Variants in UBAP1 observed in about 807,000 individuals in gnomAD.
UBAP1 encodes ubiquitin-associated protein 1.
Under a neutral mutation model 39.0 loss-of-function variants are expected in UBAP1, and 5 were observed. The observed-to-expected ratio is 0.13, with a 90% CI of 0.07 to 0.27. UBAP1 has a LOEUF of 0.27. Ranked by LOEUF, UBAP1 falls within the 10% of genes least tolerant of loss-of-function variation. The probability of loss-of-function intolerance (pLI) is 1.00; values close to 1 mark genes in which losing one functional copy is unlikely to be tolerated. For synonymous variants in UBAP1, 211 were observed against 225.1 expected, an observed-to-expected ratio of 0.94 and a Z score of 0.56; for missense variants, 490 against 608.1, an observed-to-expected ratio of 0.81 and a Z score of 2.04.
At chr9:34,197,256 C>A (rs1831122144) in intron 1 of UBAP1, among the ~76,000 whole-genome samples, 1 of 150,676 alleles carries the variant, frequency 6.6e-6, no homozygotes, top group South Asian at 2.1e-4. Context: ...AGTTCACGGA[C>A]CTTCTTTAAT....
chr9:34,212,637 C>A (rs1465799077), intron 1 of UBAP1, among the ~76,000 whole-genome samples: 2 of 151,910 alleles, frequency 1.3e-5, no homozygotes, highest in Non-Finnish European at 2.9e-5. Context: ...AGGGAAAATA[C>A]AACCCTCCTA....
chr9:34,241,069 A>T (rs1427658929), intron 3 of UBAP1, 116 bp from the exon 4 acceptor site: 18 of 707,006 alleles, frequency 2.5e-5, no homozygotes, highest in Non-Finnish European at 3.5e-5. Flanking sequence ...ACACGCCTTA[A>T]ATGCTGCCTT....
intron 5 of UBAP1, 94 bp from the exon 6 acceptor site, chr9:34,250,564 G>A (rs1473662311): frequency 2.0e-5 from 19 of 949,836 alleles, no homozygotes; most frequent in Non-Finnish European, 2.7e-5. Context: ...TGGGTGGGGC[G>A]GAGAACGGAC....
intron 1 of UBAP1, among the ~76,000 whole-genome samples, chr9:34,198,430 T>C (rs1831183130): frequency 6.6e-6 from 1 of 152,158 alleles, no homozygotes; most frequent in African/African-American, 2.4e-5. Context: ...TGGTTGGTCC[T>C]GTGGAGTTGG....
intron 1 of UBAP1, among the ~76,000 whole-genome samples, chr9:34,210,608 A>T (rs1831962660): frequency 1.3e-5 from 2 of 151,848 alleles, no homozygotes; most frequent in Admixed American, 1.3e-4. Context: ...AGTACCAGCT[A>T]CCTGGGAGGC....
At chr9:34,243,489 CTTTT>C (rs971182110) in intron 4 of UBAP1, among the ~76,000 whole-genome samples, 5 of 141,116 alleles carry the variant, frequency 3.5e-5, no homozygotes, top group Admixed American at 1.4e-4. Flanking sequence ...TTTCTTTTTT[CTTTT>C]TTTTTTTTTT....
At chr9:34,195,101 A>G (rs1830948473) in intron 1 of UBAP1, among the ~76,000 whole-genome samples, 1 of 150,270 alleles carries the variant, frequency 6.7e-6, no homozygotes, top group South Asian at 2.1e-4. Flanking sequence ...TCATTTGAGA[A>G]CAGAGATTTT....
chr9:34,228,458 G>A (rs1044976322), intron 2 of UBAP1, among the ~76,000 whole-genome samples: 1 of 151,360 alleles, frequency 6.6e-6, no homozygotes, highest in African/African-American at 2.4e-5. Flanking sequence ...TAATTCCTGA[G>A]GCATAATTGG....
intron 1 of UBAP1, among the ~76,000 whole-genome samples, chr9:34,186,435 A>G (rs994263694): frequency 6.6e-6 from 1 of 152,162 alleles, no homozygotes; most frequent in East Asian, 1.9e-4. Context: ...GTTTTGAGTC[A>G]CTGAATTGGC....
chr9:34,193,058 A>G (rs1830821490), intron 1 of UBAP1, among the ~76,000 whole-genome samples: 1 of 152,174 alleles, frequency 6.6e-6, no homozygotes, highest in Non-Finnish European at 1.5e-5. Flanking sequence ...TGTAATTCCC[A>G]GAACTTTGGG....
chr9:34,187,457 C>G (rs2131499586), intron 1 of UBAP1, among the ~76,000 whole-genome samples: 1 of 152,302 alleles, frequency 6.6e-6, no homozygotes, highest in East Asian at 1.9e-4. Context: ...ATTGTCCAAA[C>G]TGAGACACCA....
rs1834604423 is a variant in UBAP1, at chr9:34,252,333, G to A, written c.*801G>A. 1 of 152,584 alleles carries A rather than the reference G, an allele frequency of 6.6e-6. No individual in the cohort carries two copies. Among genetic ancestry groups the A allele is most frequent in the African/African-American group, 2.4e-5 (1 of 41,428 alleles). 9.5% of individuals were successfully genotyped at this position (152,584 alleles called of 1,614,324 possible). ...TTCTCCTTGAACAGCTTCCCCTCCAGCCCACTGCTTTAGGATGACACAATG... is the reference window on the plus strand; with the variant it reads ...TTCTCCTTGAACAGCTTCCCCTCCAACCCACTGCTTTAGGATGACACAATG... On this transcript the variant is annotated 3_prime_UTR_variant, in exon 7 of 7. Transcript: ENST00000297661.
intron 1 of UBAP1, among the ~76,000 whole-genome samples, chr9:34,198,958 T>A (rs1472226963): frequency 6.6e-6 from 1 of 152,256 alleles, no homozygotes; most frequent in Non-Finnish European, 1.5e-5. Flanking sequence ...AGCCCTAGGC[T>A]CTGGAATTTT....
rs776224627 is a variant in UBAP1, at chr9:34,242,115, CTT to C, written c.1083+10_1083+11del. 8.9e-6 allele frequency: 14 copies of C among 1,570,840 alleles called. No homozygotes were observed. The highest frequency in any genetic ancestry group is 1.2e-5 in the Non-Finnish European group (14 of 1,153,640). The stretch of plus-strand genomic sequence containing the variant: ...TCCAAATACTGGTCCCACGGTAAGT[CTT>C]TTAAATCCCCCGCCGACTCCCATAT... On this transcript the variant is annotated splice_region_variant and intron_variant, in intron 4 of 6. Transcript: ENST00000297661.
intron 1 of UBAP1, among the ~76,000 whole-genome samples, chr9:34,193,201 T>C (rs1458925230): frequency 6.6e-6 from 1 of 151,994 alleles, no homozygotes; most frequent in Non-Finnish European, 1.5e-5. Context: ...TCCCAGTTAC[T>C]CAGGGGGGCT....
At chr9:34,183,570 A>G (rs936593470) in intron 1 of UBAP1, among the ~76,000 whole-genome samples, 3 of 139,368 alleles carry the variant, frequency 2.2e-5, no homozygotes, top group African/African-American at 8.8e-5. Flanking sequence ...AAAAAAAAAC[A>G]TTAAATAAAC....
chr9:34,181,551 G>A (rs1767663651), intron 1 of UBAP1, among the ~76,000 whole-genome samples: 1 of 151,096 alleles, frequency 6.6e-6, no homozygotes, highest in Non-Finnish European at 1.5e-5. Context: ...TCCTGCCTCA[G>A]CCTCCTGAGT....
chr9:34,181,116 C>CTTTCT (rs1193356334), intron 1 of UBAP1, among the ~76,000 whole-genome samples: 10 of 72,272 alleles, frequency 1.4e-4, no homozygotes, highest in South Asian at 1.1e-3. Flanking sequence ...GGCCTGTTTT[C>CTTTCT]TTTTTTTTTT....
intron 1 of UBAP1, among the ~76,000 whole-genome samples, chr9:34,180,701 A>G (rs555885894): frequency 8.8e-4 from 134 of 152,296 alleles, no homozygotes; most frequent in African/African-American, 3.0e-3. Context: ...AATTACAGAA[A>G]TGCTAAACTT....
Sources: gnomAD v4.1 joint callset for allele counts (sites outside exome capture counted in the v4.1 genomes callset) on GRCh38, gnomAD v4.1.1 for gene constraint, MANE v1.5 for transcripts, NCBI Gene and HGNC (gene_info 2026-07-23, HGNC 2026-07-21) for gene names.